GRXCR1: variants seen among roughly 807,000 people sequenced by gnomAD.
The protein encoded by GRXCR1 is glutaredoxin domain-containing cysteine-rich protein 1.
GRXCR1 carries 27 observed loss-of-function variants against 27.3 expected under a neutral mutation model. That is an observed-to-expected ratio of 0.99 (90% CI 0.73 to 1.37). The LOEUF (loss-of-function observed/expected upper bound fraction) is 1.37. Ranked by LOEUF, GRXCR1 falls within the 40% of genes most tolerant of loss-of-function variation. The pLI, the probability that GRXCR1 is intolerant of heterozygous loss-of-function variation, is 0.00. For synonymous variants in GRXCR1, 122 were observed against 131.1 expected, an observed-to-expected ratio of 0.93 and a Z score of 0.47; for missense variants, 379 against 354.4, an observed-to-expected ratio of 1.07 and a Z score of -0.56.
intron 3 of GRXCR1, among the ~76,000 whole-genome samples, chr4:43,024,011 C>T (rs1713174570): frequency 6.6e-6 from 1 of 151,992 alleles, no homozygotes; most frequent in South Asian, 2.1e-4. Flanking sequence ...GGTGTCCATG[C>T]AGGGAGAGCC....
intron 1 of GRXCR1, among the ~76,000 whole-genome samples, chr4:42,941,628 G>C (rs1407652229): frequency 6.6e-6 from 1 of 151,882 alleles, no homozygotes; most frequent in Non-Finnish European, 1.5e-5. Context: ...TAACATAAAG[G>C]CTCCAGAGTT....
Position 43,030,538 on chromosome 4 carries a change from T to G in GRXCR1, c.871T>G (p.Ter291GluextTer34). 2.5e-6 allele frequency: 4 copies of G among 1,613,662 alleles called. No homozygotes were observed. The highest frequency in any genetic ancestry group is 3.4e-6 in the Non-Finnish European group (4 of 1,179,538). ...GLQRCKNCAG[*>E] ...TCAGCGTTGTAAGAACTGTGCTGGT[T>G]AATTGGAGCTTCTACCCAGGAAAAA... The change falls in exon 4 of 4, where the codon TAA becomes GAA. Residue 291 changes from the stop codon to glutamate, a stop_lost. Coordinates refer to ENST00000399770, the MANE Select transcript of GRXCR1 (RefSeq NM_001080476.3).
chr4:42,949,346 C>A (rs1173125980), intron 1 of GRXCR1, among the ~76,000 whole-genome samples: 1 of 94,644 alleles, frequency 1.1e-5, no homozygotes, highest in Non-Finnish European at 1.9e-5. Flanking sequence ...CAGACCAAGA[C>A]TCCATCTCAA....
At position 43,006,987 on chromosome 4, in the gene GRXCR1, G is replaced by A. The variant is rs536700228; in HGVS notation, c.628-13367G>A. ...ACATGACTATCTGGGCAGGTTCCCC[G>A]ATAAAGGAGCTTACATCCTATTGTG... On this transcript the variant is annotated intron_variant, in intron 2 of 3. Transcript: ENST00000399770. 1.2e-4 allele frequency among the ~76,000 whole-genome samples: 19 copies of A among 152,280 alleles called. No individual in the cohort carries two copies. In the South Asian group the frequency reaches 2.9e-3, roughly 23 times the overall value.
At chr4:43,018,411 T>C (rs1036865554) in intron 2 of GRXCR1, among the ~76,000 whole-genome samples, 2 of 152,212 alleles carry the variant, frequency 1.3e-5, no homozygotes, top group Non-Finnish European at 2.9e-5. Flanking sequence ...TCAGTGACCA[T>C]TATGCCTTTA....
At chr4:43,011,023 C>T (rs777776789) in intron 2 of GRXCR1, among the ~76,000 whole-genome samples, 3 of 152,072 alleles carry the variant, frequency 2.0e-5, no homozygotes, top group Non-Finnish European at 4.4e-5. Context: ...GTGGCTGAGC[C>T]CACGATGTCA....
intron 1 of GRXCR1, among the ~76,000 whole-genome samples, chr4:42,932,577 CATATATATATATATATATATAT>C (rs3072802): frequency 8.0e-4 from 23 of 28,676 alleles, no homozygotes; most frequent in South Asian, 1.6e-3. Flanking sequence ...AACTCCCTTC[CATATATATATATATATATATAT>C]ATATATATAT....
chr4:42,904,895 G>A (rs1746551207), intron 1 of GRXCR1, among the ~76,000 whole-genome samples: 1 of 152,142 alleles, frequency 6.6e-6, no homozygotes, highest in African/African-American at 2.4e-5. Context: ...AGGAACAGAG[G>A]TGGGACATCT....
intron 1 of GRXCR1, among the ~76,000 whole-genome samples, chr4:42,923,311 C>T (rs541607187): frequency 6.6e-6 from 1 of 152,190 alleles, no homozygotes; most frequent in South Asian, 2.1e-4. Flanking sequence ...TCTTAATAAA[C>T]CCAAGAGAGG....
chr4:42,976,860 G>A (rs1595193), intron 2 of GRXCR1, among the ~76,000 whole-genome samples: 72,134 of 151,620 alleles, frequency 0.48, 18,471 homozygotes, highest in African/African-American at 0.68. Context: ...AGAATGCAAC[G>A]TATTGTTATT....
intron 2 of GRXCR1, among the ~76,000 whole-genome samples, chr4:42,965,256 A>G (rs1748211225): frequency 6.6e-6 from 1 of 152,058 alleles, no homozygotes; most frequent in East Asian, 1.9e-4. Context: ...TAGAGGAGGA[A>G]CTATCATACA....
At chr4:43,018,779 A>G (rs1180624477) in intron 2 of GRXCR1, among the ~76,000 whole-genome samples, 1 of 152,206 alleles carries the variant, frequency 6.6e-6, no homozygotes, top group African/African-American at 2.4e-5. Context: ...AAGAAATAGA[A>G]TATAGCAAAA....
At chr4:43,003,464 G>A (rs1329541408) in intron 2 of GRXCR1, among the ~76,000 whole-genome samples, 1 of 152,204 alleles carries the variant, frequency 6.6e-6, no homozygotes, top group Non-Finnish European at 1.5e-5. Context: ...TCAGAAGACA[G>A]GAAGATTAGG....
intron 2 of GRXCR1, among the ~76,000 whole-genome samples, chr4:42,994,127 G>A (rs765997343): frequency 2.6e-5 from 4 of 152,132 alleles, no homozygotes; most frequent in Non-Finnish European, 4.4e-5. Flanking sequence ...AGGATGCATT[G>A]TTCTTGCAGA....
At chr4:42,978,865 A>G (rs1021507343) in intron 2 of GRXCR1, among the ~76,000 whole-genome samples, 1 of 152,130 alleles carries the variant, frequency 6.6e-6, no homozygotes, top group Non-Finnish European at 1.5e-5. Flanking sequence ...TAATTTAATC[A>G]TGGGGGCAGT....
At chr4:42,963,561 C>A (rs1412244897) in intron 2 of GRXCR1, among the ~76,000 whole-genome samples, 1 of 151,786 alleles carries the variant, frequency 6.6e-6, no homozygotes, top group Admixed American at 6.6e-5. Flanking sequence ...GAAATGAAAT[C>A]AATAAGAAAT....
chr4:42,917,475 C>T (rs2109748761), intron 1 of GRXCR1, among the ~76,000 whole-genome samples: 1 of 152,146 alleles, frequency 6.6e-6, no homozygotes, highest in East Asian at 1.9e-4. Context: ...ATATCTGCAG[C>T]TCAGCTGAGA....
chr4:42,915,314 T>A (rs1168134633), intron 1 of GRXCR1, among the ~76,000 whole-genome samples: 1 of 152,162 alleles, frequency 6.6e-6, no homozygotes. Flanking sequence ...GTGAGAGGCA[T>A]GTGACACAAA....
chr4:43,019,324 C>T (rs993712027), intron 2 of GRXCR1, among the ~76,000 whole-genome samples: 2 of 152,118 alleles, frequency 1.3e-5, no homozygotes, highest in Admixed American at 6.6e-5. Context: ...TAGTAACCTC[C>T]ATAAGAACTA....
Sources: gnomAD v4.1 joint callset for allele counts (sites outside exome capture counted in the v4.1 genomes callset) on GRCh38, gnomAD v4.1.1 for gene constraint, MANE v1.5 for transcripts, NCBI Gene and HGNC (gene_info 2026-07-23, HGNC 2026-07-21) for gene names.